PTPRD: variants seen among roughly 807,000 people sequenced by gnomAD.
PTPRD encodes the protein protein tyrosine phosphatase receptor type D.
A neutral mutation model predicts 214.5 loss-of-function variants in PTPRD; 34 were observed. The ratio of observed to expected loss-of-function variants is 0.16; its 90% confidence interval spans 0.12 to 0.21. The LOEUF (loss-of-function observed/expected upper bound fraction) is 0.21. Ranked by LOEUF, PTPRD falls within the 10% of genes least tolerant of loss-of-function variation. PTPRD has a pLI of 1.00. For missense variants in PTPRD, 2,545 were observed against 2,398.7 expected (o/e 1.06, Z -1.27); for synonymous variants, 1,128 against 845.7 (o/e 1.33, Z -5.79).
intron 9 of PTPRD, among the ~76,000 whole-genome samples, chr9:9,247,229 C>T (rs1051942121): frequency 3.3e-5 from 5 of 151,778 alleles, no homozygotes; most frequent in African/African-American, 4.9e-5. Flanking sequence ...AGAAGGAAGG[C>T]CATACAGAGA....
chr9:10,233,586 T>C (rs1361294660), intron 3 of PTPRD, among the ~76,000 whole-genome samples: 1 of 151,942 alleles, frequency 6.6e-6, no homozygotes, highest in African/African-American at 2.4e-5. Context: ...TACCAAGAAA[T>C]GAACAGATTT....
chr9:8,482,055 A>G lies in PTPRD; in HGVS notation c.3413+2064T>C, dbSNP rs567673930. On this transcript the variant is annotated intron_variant, in intron 30 of 45. Transcript: ENST00000381196. Reference sequence around the variant, plus strand: ...CTCGGCCTCCCAAAGTGCTGGGATTACAGGCATGAGCCACCATGCCTGGCC... The same window carrying G: ...CTCGGCCTCCCAAAGTGCTGGGATTGCAGGCATGAGCCACCATGCCTGGCC... Among the ~76,000 whole-genome samples the G allele has an allele frequency of 8.5e-5, 13 of 152,276 alleles. No individual in the cohort carries two copies. The East Asian group carries it at 2.3e-3, about 27-fold the overall frequency.
chr9:10,526,844 A>C (rs1416198910), intron 2 of PTPRD, among the ~76,000 whole-genome samples: 1 of 152,080 alleles, frequency 6.6e-6, no homozygotes, highest in Admixed American at 6.6e-5. Flanking sequence ...CCTCAGAAAG[A>C]GGGGAATGGC....
intron 2 of PTPRD, among the ~76,000 whole-genome samples, chr9:10,447,099 T>C (rs1421698281): frequency 6.6e-6 from 1 of 152,164 alleles, no homozygotes; most frequent in Non-Finnish European, 1.5e-5. Context: ...TTTCATCCCA[T>C]GTATCCTGGC....
intron 3 of PTPRD, among the ~76,000 whole-genome samples, chr9:10,308,579 T>C (rs988331649): frequency 1.3e-5 from 2 of 152,112 alleles, no homozygotes; most frequent in Admixed American, 6.6e-5. Context: ...TTAAAGATTT[T>C]ATTCTATTTC....
At chr9:9,776,236 C>T (rs887043539) in intron 5 of PTPRD, among the ~76,000 whole-genome samples, 2 of 152,126 alleles carry the variant, frequency 1.3e-5, no homozygotes, top group African/African-American at 4.8e-5. Context: ...ATACCCTTTT[C>T]CTGTTTATCC....
chr9:10,237,210 C>T (rs1256809490), intron 3 of PTPRD, among the ~76,000 whole-genome samples: 1 of 151,620 alleles, frequency 6.6e-6, no homozygotes, highest in Non-Finnish European at 1.5e-5. Context: ...TTGTACCATC[C>T]TCTCAATTTT....
intron 2 of PTPRD, among the ~76,000 whole-genome samples, chr9:10,462,941 G>T (rs1025791249): frequency 6.7e-6 from 1 of 149,846 alleles, no homozygotes; most frequent in African/African-American, 2.4e-5. Context: ...CAGTTTTCCA[G>T]AGAGTGTGTA....
intron 2 of PTPRD, among the ~76,000 whole-genome samples, chr9:10,362,793 T>C (rs1055244384): frequency 4.6e-5 from 7 of 152,082 alleles, no homozygotes; most frequent in African/African-American, 1.4e-4. Context: ...GGCAGAAGAA[T>C]CGCTTGAACC....
chr9:9,561,180 G>A (rs1049332327), intron 8 of PTPRD, among the ~76,000 whole-genome samples: 17 of 152,054 alleles, frequency 1.1e-4, no homozygotes, highest in African/African-American at 1.7e-4. Context: ...ATACGCCTGC[G>A]CTCTAAACTC....
intron 11 of PTPRD, among the ~76,000 whole-genome samples, chr9:8,962,465 C>G (rs1324606934): frequency 6.6e-6 from 1 of 151,824 alleles, no homozygotes; most frequent in Non-Finnish European, 1.5e-5. Flanking sequence ...TTTTGGCAGT[C>G]ATCTTCCCTA....
intron 12 of PTPRD, among the ~76,000 whole-genome samples, chr9:8,655,040 G>C (rs2096883065): frequency 6.6e-6 from 1 of 151,974 alleles, no homozygotes; most frequent in Admixed American, 6.6e-5. Context: ...AACATAACTT[G>C]TAAATGTAAT....
At chr9:8,703,462 T>C (rs2098133640) in intron 12 of PTPRD, among the ~76,000 whole-genome samples, 1 of 152,212 alleles carries the variant, frequency 6.6e-6, no homozygotes, top group Non-Finnish European at 1.5e-5. Flanking sequence ...GTCCCTGCTA[T>C]TACCAAGTCC....
In PTPRD at chr9:8,745,990, G is replaced by T. The variant is rs957100119; in HGVS notation, c.-103-12044C>A. Among the ~76,000 whole-genome samples the T allele has an allele frequency of 4.6e-5, 7 of 152,096 alleles. No individual in the cohort carries two copies. In the East Asian group the frequency reaches 1.3e-3, roughly 29 times the overall value. ...TCAATTTTTATTGGGAAGGGGTCTT[G>T]CTATGTTGCCCAGACTGGTCTTGAA... is the stretch of plus-strand genomic sequence containing the variant. On this transcript the variant is annotated intron_variant, in intron 11 of 45. Coordinates refer to ENST00000381196, the MANE Select transcript of PTPRD (RefSeq NM_002839.4).
At chr9:8,846,755 A>C (rs1372169480) in intron 11 of PTPRD, among the ~76,000 whole-genome samples, 1 of 152,180 alleles carries the variant, frequency 6.6e-6, no homozygotes, top group Non-Finnish European at 1.5e-5. Context: ...GGAAGAGAAA[A>C]TGAATATGAG....
At chr9:9,660,036 AT>A (rs1594526705) in intron 7 of PTPRD, among the ~76,000 whole-genome samples, 1 of 152,044 alleles carries the variant, frequency 6.6e-6, no homozygotes, top group African/African-American at 2.4e-5. Context: ...CAATATATTT[AT>A]TTTTAACATA....
chr9:10,125,873 G>A (rs1267678778), intron 3 of PTPRD, among the ~76,000 whole-genome samples: 4 of 151,900 alleles, frequency 2.6e-5, no homozygotes, highest in Admixed American at 1.3e-4. Flanking sequence ...TGGATATAGA[G>A]GTCAATATAG....
intron 5 of PTPRD, among the ~76,000 whole-genome samples, chr9:9,910,520 A>T (rs1427595348): frequency 6.6e-6 from 1 of 151,962 alleles, no homozygotes; most frequent in Non-Finnish European, 1.5e-5. Flanking sequence ...TAGGGGTCTG[A>T]AAATTTCTGT....
chr9:10,312,917 T>C (rs2096307771), intron 3 of PTPRD, among the ~76,000 whole-genome samples: 1 of 151,972 alleles, frequency 6.6e-6, no homozygotes, highest in Non-Finnish European at 1.5e-5. Flanking sequence ...ACGAACACAT[T>C]CTTGGTAACT....
Sources: allele counts gnomAD v4.1 joint callset (sites outside exome capture counted in the v4.1 genomes callset), GRCh38; gene constraint gnomAD v4.1.1; transcripts MANE v1.5; gene names NCBI Gene and HGNC (gene_info 2026-07-23, HGNC 2026-07-21).